DLGAP1: variants seen among roughly 807,000 people sequenced by gnomAD.
The protein encoded by DLGAP1 is DLG associated protein 1.
In DLGAP1, 11 loss-of-function variants were observed where a neutral mutation model predicts 90.8. That is an observed-to-expected ratio of 0.12 (90% CI 0.08 to 0.20). DLGAP1 has a LOEUF of 0.20. Among genes scored for constraint, DLGAP1 ranks in the 10% least tolerant of loss-of-function variants. The pLI is 1.00. For missense variants in DLGAP1, 1,050 were observed against 1,333.8 expected, an observed-to-expected ratio of 0.79 and a Z score of 3.31; for synonymous variants, 558 against 540.7, an observed-to-expected ratio of 1.03 and a Z score of -0.44.
intron 5 of DLGAP1, among the ~76,000 whole-genome samples, chr18:3,765,698 G>A (rs1460238245): frequency 1.3e-5 from 2 of 151,936 alleles, no homozygotes; most frequent in Non-Finnish European, 2.9e-5. Context: ...GCCAGGCGTG[G>A]TGGCAGGCAC....
At chr18:3,781,637 G>T (rs1244494237) in intron 5 of DLGAP1, among the ~76,000 whole-genome samples, 1 of 152,148 alleles carries the variant, frequency 6.6e-6, no homozygotes, top group Non-Finnish European at 1.5e-5. Flanking sequence ...ATAGGCGTGA[G>T]CCAGCAGCTT....
chr18:3,689,041 A>G (rs1467989095), intron 7 of DLGAP1, among the ~76,000 whole-genome samples: 1 of 152,182 alleles, frequency 6.6e-6, no homozygotes, highest in East Asian at 1.9e-4. Context: ...CTCTAGAAAG[A>G]CTATAAGGCC....
intron 1 of DLGAP1, among the ~76,000 whole-genome samples, chr18:4,244,140 C>G (rs1180651341): frequency 6.6e-6 from 1 of 152,058 alleles, no homozygotes; most frequent in Non-Finnish European, 1.5e-5. Context: ...TCCATTCTAT[C>G]AAGATAATAA....
At chr18:4,053,271 G>A (rs544242622) in intron 2 of DLGAP1, among the ~76,000 whole-genome samples, 1 of 152,146 alleles carries the variant, frequency 6.6e-6, no homozygotes, top group African/African-American at 2.4e-5. Flanking sequence ...TATAATCATG[G>A]TAGATGGGGA....
intron 4 of DLGAP1, among the ~76,000 whole-genome samples, chr18:3,878,693 A>G (rs928115934): frequency 2.0e-5 from 3 of 151,468 alleles, no homozygotes; most frequent in African/African-American, 7.4e-5. Context: ...CCACCCCACA[A>G]AACCCTGAAT....
At chr18:3,702,447 A>G (rs1386962504) in intron 7 of DLGAP1, among the ~76,000 whole-genome samples, 1 of 152,244 alleles carries the variant, frequency 6.6e-6, no homozygotes, top group Non-Finnish European at 1.5e-5. Flanking sequence ...CTACCTTTCT[A>G]TGGGATGGCA....
At chr18:4,348,712 G>A (rs1567851952) in intron 1 of DLGAP1, among the ~76,000 whole-genome samples, 2 of 152,060 alleles carry the variant, frequency 1.3e-5, no homozygotes, top group Non-Finnish European at 2.9e-5. Context: ...GTGAGCATGT[G>A]CTCAAAATTT....
chr18:3,853,392 C>T (rs1367353464), intron 4 of DLGAP1, among the ~76,000 whole-genome samples: 1 of 151,976 alleles, frequency 6.6e-6, no homozygotes, highest in Non-Finnish European at 1.5e-5. Context: ...AGACAGTAGC[C>T]CCATAAGATT....
At chr18:4,223,180 C>T (rs2078113980) in intron 1 of DLGAP1, among the ~76,000 whole-genome samples, 1 of 151,964 alleles carries the variant, frequency 6.6e-6, no homozygotes, top group Non-Finnish European at 1.5e-5. Flanking sequence ...ACTTTATACC[C>T]TACAGATGTT....
At chr18:4,252,704 A>T (rs906800689) in intron 1 of DLGAP1, among the ~76,000 whole-genome samples, 1 of 152,260 alleles carries the variant, frequency 6.6e-6, no homozygotes, top group Non-Finnish European at 1.5e-5. Flanking sequence ...TTTCGACCGT[A>T]ATAATTTTTG....
chr18:4,377,758 A>G (rs1334806797), intron 1 of DLGAP1, among the ~76,000 whole-genome samples: 1 of 152,148 alleles, frequency 6.6e-6, no homozygotes. Context: ...AATGGAAAAT[A>G]GCTTATCTCA....
chr18:4,229,375 C>T (rs899650668), intron 1 of DLGAP1, among the ~76,000 whole-genome samples: 58 of 151,952 alleles, frequency 3.8e-4, no homozygotes, highest in African/African-American at 1.3e-3. Context: ...CCAAAGCTAT[C>T]CTGAGCAAAA....
At chr18:3,937,494 G>C (rs7229668) in intron 3 of DLGAP1, among the ~76,000 whole-genome samples, 110,487 of 151,962 alleles carry the variant, frequency 0.73, 40,390 homozygotes, top group African/African-American at 0.81. Context: ...TTATCTCCAC[G>C]TGACCCCGCC....
intron 1 of DLGAP1, among the ~76,000 whole-genome samples, chr18:4,352,449 A>G (rs555946449): frequency 6.6e-6 from 1 of 152,216 alleles, no homozygotes; most frequent in East Asian, 1.9e-4. Flanking sequence ...TTTACTTAGC[A>G]CCTACTCAAT....
At chr18:3,963,164 G>A (rs2073241586) in intron 3 of DLGAP1, among the ~76,000 whole-genome samples, 1 of 152,086 alleles carries the variant, frequency 6.6e-6, no homozygotes, top group African/African-American at 2.4e-5. Flanking sequence ...TCCTTAACTG[G>A]AACATAGCCT....
chr18:4,009,562 TAA>T (rs1433571195), intron 2 of DLGAP1, among the ~76,000 whole-genome samples: 1 of 152,160 alleles, frequency 6.6e-6, no homozygotes, highest in Non-Finnish European at 1.5e-5. Flanking sequence ...TCAATGAACT[TAA>T]AGTCTCCTGG....
At chr18:4,264,324 G>A (rs2079060632) in intron 1 of DLGAP1, among the ~76,000 whole-genome samples, 1 of 152,114 alleles carries the variant, frequency 6.6e-6, no homozygotes, top group Non-Finnish European at 1.5e-5. Flanking sequence ...TGCTAGCTTG[G>A]CTCCCACACT....
intron 3 of DLGAP1, among the ~76,000 whole-genome samples, chr18:3,995,009 C>G (rs2149060407): frequency 6.6e-6 from 1 of 152,294 alleles, no homozygotes; most frequent in South Asian, 2.1e-4. Flanking sequence ...CATTAAGTAT[C>G]TATAGATTAT....
intron 2 of DLGAP1, among the ~76,000 whole-genome samples, chr18:4,040,428 CCCTT>C (rs1444073830): frequency 3.9e-5 from 6 of 152,130 alleles, no homozygotes; most frequent in Non-Finnish European, 8.8e-5. Flanking sequence ...TAATGGATGG[CCCTT>C]TCTTATACAA....
Sources: allele counts gnomAD v4.1 joint callset (sites outside exome capture counted in the v4.1 genomes callset), GRCh38; gene constraint gnomAD v4.1.1; transcripts MANE v1.5; gene names NCBI Gene and HGNC (gene_info 2026-07-23, HGNC 2026-07-21).